The following INHBC variants were observed in gnomAD, a reference collection of about 807,000 sequenced individuals.
INHBC encodes the protein inhibin subunit beta C.
Under a neutral mutation model 12.4 loss-of-function variants are expected in INHBC, and 10 were observed. The ratio of observed to expected loss-of-function variants is 0.81; its 90% CI spans 0.50 to 1.37. The LOEUF is 1.37. Among genes scored for constraint, INHBC ranks in the 40% most tolerant of loss-of-function variants. INHBC has a pLI of 0.00. For synonymous variants in INHBC, 147 were observed against 171.6 expected, an observed-to-expected ratio of 0.86 and a Z score of 1.12; for missense variants, 382 against 439.4, an observed-to-expected ratio of 0.87 and a Z score of 1.17.
chr12:57,442,006 G>C (rs12831733), intron 1 of INHBC, among the ~76,000 whole-genome samples: 3,647 of 152,196 alleles, frequency 0.024, 75 homozygotes, highest in Non-Finnish European at 0.034. Context: ...TGGCTTGACT[G>C]TGCTTATCTG....
At chr12:57,444,862 T>C (rs972315634) in intron 1 of INHBC, among the ~76,000 whole-genome samples, 2 of 152,028 alleles carry the variant, frequency 1.3e-5, no homozygotes, top group Admixed American at 6.6e-5. Context: ...TTTTTAGTTA[T>C]TGTAGAGACA....
chr12:57,440,244 C>T (rs1340285593), intron 1 of INHBC, among the ~76,000 whole-genome samples: 2 of 151,634 alleles, frequency 1.3e-5, no homozygotes, highest in Admixed American at 6.6e-5. Flanking sequence ...GAAAAATTAG[C>T]AACATAGAGT....
rs1248303966 is a variant in INHBC at position 57,451,237 on chromosome 12, G to T, written c.*1215G>T. 6.6e-6 allele frequency among the ~76,000 whole-genome samples: 1 copy of T among 152,218 alleles called. No homozygotes were observed. Among genetic ancestry groups the T allele is most frequent in the Non-Finnish European group, 1.5e-5 (1 of 68,040 alleles). ...TCCCTCTGTAATCCCTCCAAAAGAT[G>T]AGACAGATCTATGCTTGGTCATCCA... is the stretch of plus-strand genomic sequence containing the variant. On this transcript the variant is annotated 3_prime_UTR_variant, in exon 2 of 2. Coordinates refer to ENST00000309668, the MANE Select transcript of INHBC (RefSeq NM_005538.4).
intron 1 of INHBC, among the ~76,000 whole-genome samples, chr12:57,449,042 A>AT (rs2139836050): frequency 6.6e-6 from 1 of 152,286 alleles, no homozygotes; most frequent in South Asian, 2.1e-4. Context: ...AGATAAGGGC[A>AT]TTAATCCATT....
chr12:57,438,106 C>T (rs1870386696), intron 1 of INHBC, among the ~76,000 whole-genome samples: 2 of 152,172 alleles, frequency 1.3e-5, no homozygotes, highest in South Asian at 4.1e-4. Context: ...CAAGACCCTG[C>T]TTGAACTGGA....
In INHBC at chr12:57,449,406, T is replaced by G. The variant is rs774252666; in HGVS notation, c.443T>G (p.Leu148Trp). The stretch of plus-strand genomic sequence containing the variant: ...CTCCCTTCCAATACCACTTGGACCT[T>G]GAAAGTGAGAGTCCTTGTGCTGGGT... The part of the protein sequence containing the change: ...VQLPSNTTWT[L>W]KVRVLVLGPH... The change falls in exon 2 of 2, where the codon TTG becomes TGG. Residue 148 changes from leucine to tryptophan, a missense_variant. Leu to Trp is a moderately conservative substitution (Grantham distance 61). Transcript: ENST00000309668. The G allele has an allele frequency of 6.2e-7, 1 of 1,614,112 alleles. No homozygotes were observed. Among genetic ancestry groups the G allele is most frequent in the South Asian group, 1.1e-5 (1 of 91,066 alleles).
intron 1 of INHBC, among the ~76,000 whole-genome samples, chr12:57,444,560 AC>A (rs1183670586): frequency 6.6e-6 from 1 of 151,882 alleles, no homozygotes; most frequent in Admixed American, 6.6e-5. Flanking sequence ...AAAAAAAAGA[AC>A]CACACTGATT....
At chr12:57,437,222 G>C (rs1236165964) in intron 1 of INHBC, among the ~76,000 whole-genome samples, 1 of 151,990 alleles carries the variant, frequency 6.6e-6, no homozygotes, top group Non-Finnish European at 1.5e-5. Flanking sequence ...CCTCCAGCCT[G>C]GGCAACAGAG....
chr12:57,436,150 G>T, intron 1 of INHBC, among the ~76,000 whole-genome samples: 1 of 136,320 alleles, frequency 7.3e-6, no homozygotes, highest in African/African-American at 2.8e-5. Flanking sequence ...CGGCAACCCT[G>T]TCTCTTTTTT....
At chr12:57,444,426 A>T (rs1383416133) in intron 1 of INHBC, among the ~76,000 whole-genome samples, 1 of 151,838 alleles carries the variant, frequency 6.6e-6, no homozygotes, top group East Asian at 2.0e-4. Context: ...CTGTAATCCC[A>T]GCTACTCAGG....
At chr12:57,435,310 C>G in intron 1 of INHBC, 111 bp downstream of exon 1, 1 of 1,016,646 alleles carries the variant, frequency 9.8e-7, no homozygotes, top group Admixed American at 2.5e-5. Flanking sequence ...CCAACCCCTG[C>G]TTCCCACAGG....
At chr12:57,436,349 G>A (rs1200892714) in intron 1 of INHBC, among the ~76,000 whole-genome samples, 2 of 149,322 alleles carry the variant, frequency 1.3e-5, no homozygotes, top group African/African-American at 4.9e-5. Flanking sequence ...ATTTTTAGTA[G>A]AGATGGGATT....
At chr12:57,437,281 G>A (rs1221685721) in intron 1 of INHBC, among the ~76,000 whole-genome samples, 1 of 151,956 alleles carries the variant, frequency 6.6e-6, no homozygotes, top group East Asian at 1.9e-4. Context: ...ATAGATAAAA[G>A]AGGACAAGGA....
At chr12:57,440,955 C>G (rs1345326631) in intron 1 of INHBC, among the ~76,000 whole-genome samples, 1 of 152,192 alleles carries the variant, frequency 6.6e-6, no homozygotes, top group East Asian at 1.9e-4. Flanking sequence ...TGCTTGTAAT[C>G]CCAACACTTT....
chr12:57,439,082 A>G (rs982066445), intron 1 of INHBC, among the ~76,000 whole-genome samples: 4 of 152,252 alleles, frequency 2.6e-5, no homozygotes, highest in African/African-American at 9.6e-5. Flanking sequence ...GACAAAGACT[A>G]CAAATCAGGG....
rs771167792 is a variant in INHBC at position 57,449,834 on chromosome 12, G to T, written c.871G>T (p.Ala291Ser). 38 of 1,612,750 alleles carry T rather than the reference G, an allele frequency of 2.4e-5. No individual in the cohort carries two copies. The highest frequency in any genetic ancestry group is 3.2e-5 in the Non-Finnish European group (38 of 1,179,228). The part of the protein sequence containing the change: ...PLHIAGMPGI[A>S]ASFHTAVLNL... ...ACACATAGCAGGCATGCCTGGTATT[G>T]CTGCCTCCTTTCACACTGCAGTGCT... The change falls in exon 2 of 2, where the codon GCT becomes TCT. Residue 291 changes from alanine (A) to serine (S), a missense_variant. Physicochemically the swap from Ala to Ser is moderately conservative, Grantham distance 99. Transcript: ENST00000309668.
intron 1 of INHBC, among the ~76,000 whole-genome samples, chr12:57,437,627 C>T (rs56805844): frequency 2.7e-5 from 4 of 147,406 alleles, no homozygotes; most frequent in Admixed American, 6.8e-5. Context: ...GCCGAGATTG[C>T]GCCACTGCAC....
rs983514570 is a variant in INHBC, at chr12:57,449,493, G to A, written c.530G>A (p.Trp177Ter). The A allele has an allele frequency of 5.0e-6, 8 of 1,614,152 alleles. No individual in the cohort carries two copies. The highest frequency in any genetic ancestry group is 6.8e-6 in the Non-Finnish European group (8 of 1,180,012). ...QYLLEVDASG[W>*]HQLPLGPEAQ... ...CTGCTGGAGGTGGATGCCAGTGGCT[G>A]GCATCAACTCCCCCTAGGGCCTGAA... The change falls in exon 2 of 2, where the codon TGG (tryptophan) becomes TAG (stop). Residue 177 changes from tryptophan to a stop codon, truncating the protein, a stop_gained. Coordinates refer to ENST00000309668, the MANE Select transcript of INHBC (RefSeq NM_005538.4). LOFTEE classifies it high-confidence loss of function.
chr12:57,436,663 A>T (rs971150651), intron 1 of INHBC, among the ~76,000 whole-genome samples: 1 of 148,412 alleles, frequency 6.7e-6, no homozygotes, highest in Admixed American at 6.7e-5. Flanking sequence ...TTTATTTTTT[A>T]TTTTATTTTA....
Sources: allele counts gnomAD v4.1 joint callset (sites outside exome capture counted in the v4.1 genomes callset), GRCh38; gene constraint gnomAD v4.1.1; transcripts MANE v1.5; gene names NCBI Gene and HGNC (gene_info 2026-07-23, HGNC 2026-07-21).